The following HPGDS variants were observed in gnomAD, a reference collection of about 807,000 sequenced individuals.
The protein encoded by HPGDS is hematopoietic prostaglandin D synthase.
HPGDS carries 26 observed loss-of-function variants against 23.1 expected under a neutral mutation model. The ratio of observed to expected loss-of-function variants is 1.13; its 90% CI spans 0.83 to 1.56. HPGDS has a LOEUF of 1.56. HPGDS is among the 40% of genes most tolerant of loss of function. The pLI, the probability that HPGDS is intolerant of heterozygous loss-of-function variation, is 0.00. For synonymous variants in HPGDS, 95 were observed against 77.9 expected (o/e 1.22, Z -1.16); for missense variants, 268 against 236.4 (o/e 1.13, Z -0.88).
Position 94,299,435 on chromosome 4 carries a change from A to G in HPGDS, c.*45T>C, listed in dbSNP as rs746965865. On this transcript the variant is annotated 3_prime_UTR_variant, in exon 6 of 6. Transcript: ENST00000295256. ...TGATGTAGCTGTCTTATCTGATGAG[A>G]GAGATGCCCCCGAGAAAAACAAACT... 2.5e-5 allele frequency: 39 copies of G among 1,552,106 alleles called. No homozygotes were observed. Among genetic ancestry groups the G allele is most frequent in the African/African-American group, 4.1e-5 (3 of 72,950 alleles).
chr4:94,339,264 C>G (rs1309070496), intron 1 of HPGDS, among the ~76,000 whole-genome samples: 1 of 152,160 alleles, frequency 6.6e-6, no homozygotes, highest in Non-Finnish European at 1.5e-5. Flanking sequence ...CTTCCACTGT[C>G]GTTGTGTTAA....
chr4:94,329,294 A>G (rs1756692795), intron 2 of HPGDS, among the ~76,000 whole-genome samples: 1 of 152,194 alleles, frequency 6.6e-6, no homozygotes, highest in South Asian at 2.1e-4. Context: ...CTGGTCACAC[A>G]CCTGGTAAAG....
chr4:94,329,854 G>A (rs1756704884), intron 2 of HPGDS, among the ~76,000 whole-genome samples: 1 of 152,210 alleles, frequency 6.6e-6, no homozygotes, highest in African/African-American at 2.4e-5. Flanking sequence ...GTCAACAGAA[G>A]TATTCTAAAG....
chr4:94,320,508 A>G (rs1405723428), intron 2 of HPGDS, among the ~76,000 whole-genome samples: 1 of 152,116 alleles, frequency 6.6e-6, no homozygotes, highest in Non-Finnish European at 1.5e-5. Context: ...TTCTGTGATG[A>G]CCAGTGATGA....
chr4:94,340,357 G>T (rs1308097520), intron 1 of HPGDS, among the ~76,000 whole-genome samples: 3 of 17,448 alleles, frequency 1.7e-4, no homozygotes, highest in Non-Finnish European at 3.2e-4. Flanking sequence ...TTTTTTTTTT[G>T]AGACGGAGTC....
At chr4:94,337,149 G>A (rs1721037619) in intron 1 of HPGDS, among the ~76,000 whole-genome samples, 1 of 151,970 alleles carries the variant, frequency 6.6e-6, no homozygotes, top group Admixed American at 6.6e-5. Context: ...ATTTCTAGTA[G>A]AGATGGGGTT....
At chr4:94,322,092 C>G (rs1052841275) in intron 2 of HPGDS, among the ~76,000 whole-genome samples, 1 of 151,976 alleles carries the variant, frequency 6.6e-6, no homozygotes, top group Admixed American at 6.6e-5. Flanking sequence ...GTTGAACGAG[C>G]TTTGCATCCC....
At chr4:94,307,509 A>G (rs1018373023) in intron 4 of HPGDS, among the ~76,000 whole-genome samples, 5 of 152,054 alleles carry the variant, frequency 3.3e-5, no homozygotes, top group African/African-American at 9.7e-5. Flanking sequence ...CAAATAAACA[A>G]TGGAGTAAAC....
At chr4:94,308,477 G>A (rs890535749) in intron 4 of HPGDS, among the ~76,000 whole-genome samples, 157 bp downstream of exon 4, 4 of 151,974 alleles carry the variant, frequency 2.6e-5, no homozygotes, top group Admixed American at 2.6e-4. Flanking sequence ...GGTACAATAG[G>A]GAATTGCTGT....
intron 2 of HPGDS, among the ~76,000 whole-genome samples, chr4:94,331,701 T>C (rs1424019960): frequency 6.6e-6 from 1 of 152,164 alleles, no homozygotes; most frequent in Non-Finnish European, 1.5e-5. Context: ...TTCCACTGAA[T>C]CCCACCTTTA....
At chr4:94,306,800 A>G (rs750615744) in intron 4 of HPGDS, among the ~76,000 whole-genome samples, 39 of 152,234 alleles carry the variant, frequency 2.6e-4, no homozygotes, top group African/African-American at 9.1e-4. Context: ...GGAAATAGGA[A>G]AAGAGCCAAC....
chr4:94,323,657 C>G (rs1204983382), intron 2 of HPGDS, among the ~76,000 whole-genome samples: 1 of 152,006 alleles, frequency 6.6e-6, no homozygotes, highest in Non-Finnish European at 1.5e-5. Context: ...CTATGTGTGT[C>G]TCTGCACTTG....
At chr4:94,314,025 A>G (rs1188459044) in intron 3 of HPGDS, among the ~76,000 whole-genome samples, 1 of 152,104 alleles carries the variant, frequency 6.6e-6, no homozygotes, top group African/African-American at 2.4e-5. Context: ...TGGTTATTCT[A>G]GTTAGCCATT....
chr4:94,340,082 G>C (rs144495636), intron 1 of HPGDS, among the ~76,000 whole-genome samples: 1,591 of 152,002 alleles, frequency 0.01, 22 homozygotes, highest in African/African-American at 0.035. Flanking sequence ...CTCCCAAGTA[G>C]CTAGGATTAT....
At chr4:94,300,283 G>T (rs1047597808) in intron 5 of HPGDS, among the ~76,000 whole-genome samples, 1 of 152,164 alleles carries the variant, frequency 6.6e-6, no homozygotes, top group Admixed American at 6.5e-5. Context: ...CACATAAAAA[G>T]AATATATGGA....
intron 3 of HPGDS, among the ~76,000 whole-genome samples, chr4:94,311,255 A>G (rs924778711): frequency 1.3e-5 from 2 of 151,824 alleles, no homozygotes; most frequent in African/African-American, 4.9e-5. Context: ...CCCATTCAGT[A>G]TGATATTGGC....
At chr4:94,336,752 A>C (rs1721024012) in intron 1 of HPGDS, among the ~76,000 whole-genome samples, 1 of 152,232 alleles carries the variant, frequency 6.6e-6, no homozygotes, top group Admixed American at 6.5e-5. Context: ...TGTTGAGCTT[A>C]GAAATAAATA....
At chr4:94,326,038 T>C (rs906771021) in intron 2 of HPGDS, among the ~76,000 whole-genome samples, 1 of 152,070 alleles carries the variant, frequency 6.6e-6, no homozygotes, top group African/African-American at 2.4e-5. Flanking sequence ...CCTCTAAAAT[T>C]TCTGCTGAGA....
At chr4:94,318,938 C>T (rs1222603604) in intron 2 of HPGDS, among the ~76,000 whole-genome samples, 4 of 152,130 alleles carry the variant, frequency 2.6e-5, no homozygotes, top group Non-Finnish European at 4.4e-5. Context: ...GTCTTGAATT[C>T]CTGACCTCAA....
Sources: allele counts gnomAD v4.1 joint callset (sites outside exome capture counted in the v4.1 genomes callset), GRCh38; gene constraint gnomAD v4.1.1; transcripts MANE v1.5; gene names NCBI Gene and HGNC (gene_info 2026-07-23, HGNC 2026-07-21).